Variants in C2orf76 observed in about 807,000 individuals in gnomAD.
C2orf76 encodes UPF0538 protein C2orf76.
A neutral mutation model predicts 16.9 loss-of-function variants in C2orf76; 23 were observed. The observed-to-expected ratio is 1.36, with a 90% CI of 0.98 to 1.93. C2orf76 has a LOEUF of 1.93. C2orf76 is among the 30% of genes most tolerant of loss of function. The pLI is 0.00. For synonymous variants in C2orf76, 48 were observed against 52.3 expected (o/e 0.92, Z 0.35); for missense variants, 152 against 152.6 (o/e 1.00, Z 0.02).
chr2:119,355,532 A>G (rs367591292), intron 1 of C2orf76, among the ~76,000 whole-genome samples: 5 of 152,226 alleles, frequency 3.3e-5, no homozygotes, highest in Admixed American at 2.6e-4. Context: ...CACATGCAGT[A>G]GCAACTGAGC....
In C2orf76 at chr2:119,339,986, A is replaced by T. The variant is rs748912194; in HGVS notation, c.-12-15T>A. 5.0e-6 allele frequency: 8 copies of T among 1,598,866 alleles called. No homozygotes were observed. Among genetic ancestry groups the T allele is most frequent in the Non-Finnish European group, 6.0e-6 (7 of 1,167,384 alleles). ...TGAAGAAATTCCTGTGGCAAGAGAC[A>T]TGAGAACCATCTAAATGAAGCCAGC... On this transcript the variant is annotated splice_polypyrimidine_tract_variant and intron_variant, in intron 1 of 5. Coordinates refer to ENST00000334816, the MANE Select transcript of C2orf76 (RefSeq NM_001322331.2).
chr2:119,327,197 T>A (rs1332792965), intron 2 of C2orf76, among the ~76,000 whole-genome samples: 1 of 152,218 alleles, frequency 6.6e-6, no homozygotes, highest in African/African-American at 2.4e-5. Flanking sequence ...TTTTTCATAC[T>A]CTTCATCAGG....
intron 4 of C2orf76, among the ~76,000 whole-genome samples, chr2:119,315,429 T>G (rs868372666): frequency 1.3e-5 from 2 of 152,056 alleles, no homozygotes; most frequent in African/African-American, 4.8e-5. Flanking sequence ...TACAGCTGAG[T>G]TGGAACACTA....
chr2:119,292,610 C>T, the C2orf76 span, among the ~76,000 whole-genome samples: 1 of 152,158 alleles, frequency 6.6e-6, no homozygotes, highest in Admixed American at 6.5e-5. Context: ...CAGTCTATAC[C>T]ACTTTACACA....
At chr2:119,366,767 C>G in intron 1 of C2orf76, 23 bp downstream of exon 1, 1 of 560,896 alleles carries the variant, frequency 1.8e-6, no homozygotes, top group Admixed American at 3.3e-5. Flanking sequence ...CAAAACTAAG[C>G]ACCCTACTTC....
the C2orf76 span, among the ~76,000 whole-genome samples, chr2:119,294,122 G>A: frequency 3.3e-5 from 5 of 152,222 alleles, no homozygotes; most frequent in East Asian, 1.9e-4. Context: ...CTTCTACATC[G>A]TAAAGGATAA....
At chr2:119,311,103 C>T (rs1678970596) in intron 5 of C2orf76, 1 of 939,742 alleles carries the variant, frequency 1.1e-6, no homozygotes. Context: ...TAGAATAAAA[C>T]CACATGCACA....
At chr2:119,323,212 G>A (rs1463486309) in intron 2 of C2orf76, among the ~76,000 whole-genome samples, 1 of 150,620 alleles carries the variant, frequency 6.6e-6, no homozygotes, top group African/African-American at 2.5e-5. Context: ...TTAATAGACA[G>A]GTTTCACTAG....
At chr2:119,342,842 C>T (rs1573667052) in intron 1 of C2orf76, among the ~76,000 whole-genome samples, 2 of 152,004 alleles carry the variant, frequency 1.3e-5, no homozygotes, top group East Asian at 1.9e-4. Context: ...CTCACTGCAA[C>T]GTCCCTCTCC....
chr2:119,357,597 CA>C (rs56672129), intron 1 of C2orf76, among the ~76,000 whole-genome samples: 98 of 122,974 alleles, frequency 8.0e-4, no homozygotes, highest in South Asian at 3.2e-3. Context: ...AAAAACAAAC[CA>C]AAAAAAAAAA....
Position 119,327,336 on chromosome 2 carries a change from A to ATTTTT in C2orf76, c.134-6137_134-6133dup, listed in dbSNP as rs34185420. On this transcript the variant is annotated intron_variant, in intron 2 of 5. Coordinates refer to ENST00000334816, the MANE Select transcript of C2orf76 (RefSeq NM_001322331.2). ...ACTATTAATATGATGAATTACATGG[A>ATTTTT]TTTTTTTTTTTTTTTTTTTTTTTTT... 1.2e-3 allele frequency among the ~76,000 whole-genome samples: 79 copies of ATTTTT among 68,674 alleles called. 12 individuals carry two copies. Among genetic ancestry groups the ATTTTT allele is most frequent in the South Asian group, 2.1e-3 (3 of 1,418 alleles). 45.1% of individuals were successfully genotyped at this position (68,674 alleles called of 152,430 possible).
intron 1 of C2orf76, among the ~76,000 whole-genome samples, chr2:119,354,633 T>G (rs1297971890): frequency 6.6e-6 from 1 of 152,222 alleles, no homozygotes; most frequent in Non-Finnish European, 1.5e-5. Context: ...TTTAGCTGCA[T>G]AATACAAATG....
At chr2:119,356,703 A>G (rs1014892010) in intron 1 of C2orf76, among the ~76,000 whole-genome samples, 2 of 152,092 alleles carry the variant, frequency 1.3e-5, no homozygotes, top group Admixed American at 6.5e-5. Flanking sequence ...CCATGAAAAA[A>G]GAGGTGGTTT....
At chr2:119,292,734 A>G in the C2orf76 span, among the ~76,000 whole-genome samples, 2 of 152,156 alleles carry the variant, frequency 1.3e-5, no homozygotes, top group Admixed American at 1.3e-4. Flanking sequence ...TTTCGCTTTA[A>G]CATTCAAATA....
intron 1 of C2orf76, among the ~76,000 whole-genome samples, chr2:119,358,323 TC>T (rs112795430): frequency 0.19 from 29,603 of 152,030 alleles, 3,069 homozygotes; most frequent in East Asian, 0.22. Context: ...ACGCCTGTAA[TC>T]CCATCATTTT....
chr2:119,318,107 C>T (rs914862978), intron 3 of C2orf76, among the ~76,000 whole-genome samples: 10 of 152,170 alleles, frequency 6.6e-5, no homozygotes, highest in African/African-American at 2.4e-4. Flanking sequence ...AACTTCACTC[C>T]TTAATTTGTT....
At chr2:119,351,008 G>A (rs1680385243) in intron 1 of C2orf76, among the ~76,000 whole-genome samples, 1 of 152,220 alleles carries the variant, frequency 6.6e-6, no homozygotes, top group Admixed American at 6.5e-5. Context: ...GTTGATTCTG[G>A]TTGTTGGTAG....
Position 119,317,492 on chromosome 2 carries a change from T to C in C2orf76, c.196A>G (p.Ile66Val), listed in dbSNP as rs755207291. The C allele has an allele frequency of 6.2e-7, 1 of 1,605,442 alleles. No homozygotes were observed. Among genetic ancestry groups the C allele is most frequent in the Non-Finnish European group, 8.5e-7 (1 of 1,174,662 alleles). ...TTTGATTTATGTGCTTGATGAATAATCTTTAGTGCATCTGAAAGAAAAAAG... is the reference window on the plus strand; with the variant it reads ...TTTGATTTATGTGCTTGATGAATAACCTTTAGTGCATCTGAAAGAAAAAAG... ...FRNYKYDALK[I>V]IHQAHKSKTN... Residue 66 changes from isoleucine to valine, a missense_variant, in exon 4 of 6, where the codon ATT becomes GTT. Coordinates refer to ENST00000334816, the MANE Select transcript of C2orf76 (RefSeq NM_001322331.2).
intron 4 of C2orf76, among the ~76,000 whole-genome samples, chr2:119,312,679 G>A (rs939644953): frequency 1.3e-5 from 2 of 152,092 alleles, no homozygotes; most frequent in Non-Finnish European, 2.9e-5. Context: ...AAATGAGAGT[G>A]CTCTCCAGTG....
Sources: allele counts gnomAD v4.1 joint callset (sites outside exome capture counted in the v4.1 genomes callset), GRCh38; gene constraint gnomAD v4.1.1; transcripts MANE v1.5; gene names NCBI Gene and HGNC (gene_info 2026-07-23, HGNC 2026-07-21).